Variants in MTF2 observed in about 807,000 individuals in gnomAD.
MTF2 encodes the protein metal-response element-binding transcription factor 2.
A neutral mutation model predicts 79.5 loss-of-function variants in MTF2; 11 were observed. The observed-to-expected ratio is 0.14, with a 90% CI of 0.09 to 0.23. MTF2 has a LOEUF of 0.23. MTF2 is among the 10% of genes least tolerant of loss of function. The pLI, the probability that MTF2 is intolerant of heterozygous loss-of-function variation, is 1.00. For missense variants in MTF2, 486 were observed against 711.2 expected (o/e 0.68, Z 3.60); for synonymous variants, 208 against 232.8 (o/e 0.89, Z 0.97).
chr1:93,088,550 T>A (rs1349815131), intron 1 of MTF2, among the ~76,000 whole-genome samples: 2 of 152,188 alleles, frequency 1.3e-5, no homozygotes, highest in Non-Finnish European at 2.9e-5. Context: ...ACTTGATATA[T>A]TATATTTAAC....
chr1:93,128,078 TG>T (rs1319775208), intron 10 of MTF2, among the ~76,000 whole-genome samples: 1 of 152,108 alleles, frequency 6.6e-6, no homozygotes, highest in African/African-American at 2.4e-5. Context: ...GTACCTGATA[TG>T]ACCTTGAAGT....
At chr1:93,127,209 A>C (rs1226871478) in intron 9 of MTF2, 23 bp from the exon 10 acceptor site, 1 of 1,574,934 alleles carries the variant, frequency 6.3e-7, no homozygotes, top group Non-Finnish European at 8.7e-7. Flanking sequence ...TAGTGCGTTA[A>C]ATTGTTTCTT....
intron 1 of MTF2, among the ~76,000 whole-genome samples, chr1:93,096,996 G>C (rs910819160): frequency 6.6e-6 from 1 of 151,610 alleles, no homozygotes; most frequent in Non-Finnish European, 1.5e-5. Context: ...TTTTTGTAGA[G>C]ATGCGGTTTT....
intron 3 of MTF2, among the ~76,000 whole-genome samples, chr1:93,111,723 C>T (rs1272078608): frequency 6.6e-6 from 1 of 151,968 alleles, no homozygotes; most frequent in Non-Finnish European, 1.5e-5. Context: ...AATTGAGGAG[C>T]CAGAGAAAAG....
Position 93,110,342 on chromosome 1 carries a change from A to C in MTF2, c.118A>C (p.Lys40Gln), listed in dbSNP as rs1199845356. The change falls in exon 2 of 15, where the codon AAA becomes CAA. Residue 40 changes from lysine to glutamine, a missense_variant. Lys to Gln is a moderately conservative substitution (Grantham distance 53). Around this residue, in one of 4 missense-constraint regions of MTF2, gnomAD observed 75 missense variants for 83.8 expected, o/e 0.89. Coordinates refer to ENST00000370298, the MANE Select transcript of MTF2 (RefSeq NM_007358.4). ...KLSLQDGHKA[K>Q]KPACKFEEGQ... ...GTCTTTACAGGATGGACATAAAGCC[A>C]AAAAGCCAGCATGTAAATTTGAAGA... 3 of 1,614,084 alleles carry C rather than the reference A, an allele frequency of 1.9e-6. No homozygotes were observed. Among genetic ancestry groups the C allele is most frequent in the Non-Finnish European group, 2.5e-6 (3 of 1,180,036 alleles).
At chr1:93,098,977 T>C (rs955081490) in intron 1 of MTF2, among the ~76,000 whole-genome samples, 1 of 152,138 alleles carries the variant, frequency 6.6e-6, no homozygotes, top group Admixed American at 6.6e-5. Context: ...CATTTACAGA[T>C]GGTGAGAGGG....
chr1:93,110,045 G>A (rs1353084445), intron 1 of MTF2, among the ~76,000 whole-genome samples, 185 bp from the exon 2 acceptor site: 1 of 152,156 alleles, frequency 6.6e-6, no homozygotes, highest in Admixed American at 6.6e-5. Flanking sequence ...TGGATATTGA[G>A]AATTGTTATC....
At position 93,119,415 on chromosome 1, in the gene MTF2, T is replaced by C; in HGVS notation, c.797+14T>C. ...ACCATTACAGTGGTAAGTGTGGACC[T>C]TTCTGTTAAAAGAAAGAAAAGCCAT... On this transcript the variant is annotated intron_variant, in intron 8 of 14. Transcript: ENST00000370298. 6.4e-7 allele frequency: 1 copy of C among 1,558,818 alleles called. No individual in the cohort carries two copies. The highest frequency in any genetic ancestry group is 8.7e-7 in the Non-Finnish European group (1 of 1,154,648).
chr1:93,122,233 A>G (rs1407357244), intron 9 of MTF2, among the ~76,000 whole-genome samples: 1 of 152,164 alleles, frequency 6.6e-6, no homozygotes, highest in Non-Finnish European at 1.5e-5. Flanking sequence ...AATTCTTTCT[A>G]GCCATTATTC....
At chr1:93,079,598 AG>A in intron 1 of MTF2, 67 bp downstream of exon 1, 9 of 1,592,244 alleles carry the variant, frequency 5.7e-6, no homozygotes, top group South Asian at 1.1e-5. Context: ...GGAGGAAGAA[AG>A]GAAGCAAGTA....
Position 93,110,302 on chromosome 1 carries a change from A to G in MTF2, c.78A>G (p.Thr26=). The part of the protein sequence containing the change: ...SPLRRNQKTP[T]SLTKLSLQDG... ...TACGTCGAAACCAAAAGACCCCAAC[A>G]TCCTTGACCAAGCTGTCTTTACAGG... The change falls in exon 2 of 15, where the codon ACA becomes ACG. Residue 26 remains threonine, a synonymous_variant. Coordinates refer to ENST00000370298, the MANE Select transcript of MTF2 (RefSeq NM_007358.4). 1 of 1,614,168 alleles carries G rather than the reference A, an allele frequency of 6.2e-7. No homozygotes were observed. Among genetic ancestry groups the G allele is most frequent in the Non-Finnish European group, 8.5e-7 (1 of 1,180,026 alleles).
At chr1:93,097,914 A>G (rs1474102017) in intron 1 of MTF2, among the ~76,000 whole-genome samples, 1 of 151,928 alleles carries the variant, frequency 6.6e-6, no homozygotes, top group Admixed American at 6.6e-5. Flanking sequence ...TTATTAATAG[A>G]TTATTGCAGA....
At chr1:93,086,278 C>T (rs964659074) in intron 1 of MTF2, among the ~76,000 whole-genome samples, 29 of 151,908 alleles carry the variant, frequency 1.9e-4, no homozygotes, top group East Asian at 3.9e-4. Flanking sequence ...CTGAGGCGGG[C>T]GGATCGCTTG....
At chr1:93,102,620 G>T (rs1241977807) in intron 1 of MTF2, among the ~76,000 whole-genome samples, 1 of 151,908 alleles carries the variant, frequency 6.6e-6, no homozygotes, top group African/African-American at 2.4e-5. Context: ...AAACCTATGA[G>T]AAACATGCTT....
At chr1:93,108,164 A>G (rs147827487) in intron 1 of MTF2, among the ~76,000 whole-genome samples, 36 of 152,282 alleles carry the variant, frequency 2.4e-4, no homozygotes, top group African/African-American at 8.2e-4. Flanking sequence ...ATTTCTATAT[A>G]TTATGGGTCT....
rs1654496823 is a variant in MTF2 at position 93,079,361 on chromosome 1, A to G, written c.-166A>G. 1 of 778,696 alleles carries G rather than the reference A, an allele frequency of 1.3e-6. No individual in the cohort carries two copies. Among genetic ancestry groups the G allele is most frequent in the South Asian group, 1.6e-5 (1 of 64,284 alleles). The allele number at this position is 778,696 out of a possible 1,614,324, so 48.2% of individuals were successfully genotyped here. On this transcript the variant is annotated 5_prime_UTR_variant, in exon 1 of 15. Transcript: ENST00000370298. The stretch of plus-strand genomic sequence containing the variant: ...AGGCCGGTGTAAGAACGCTCATTCT[A>G]CCCCCAACCCTTGTCTCCAAGGACC...
chr1:93,136,910 T>G lies in MTF2; in HGVS notation c.1665T>G (p.Tyr555Ter). 6.2e-7 allele frequency: 1 copy of G among 1,614,168 alleles called. No homozygotes were observed. Among genetic ancestry groups the G allele is most frequent in the Non-Finnish European group, 8.5e-7 (1 of 1,180,006 alleles). Reference sequence around the variant, plus strand: ...ATCTAAAGAACTCCATTACCAGTTATTTTGGTGCTGCAGGTAGAATAGCAT... The same window carrying G: ...ATCTAAAGAACTCCATTACCAGTTAGTTTGGTGCTGCAGGTAGAATAGCAT... ...LNHLKNSITS[Y>*]FGAAGRIACG... The change falls in exon 15 of 15, where the codon TAT becomes TAG. Residue 555 changes from tyrosine (Y) to a stop codon, truncating the protein, a stop_gained. Coordinates refer to ENST00000370298, the MANE Select transcript of MTF2 (RefSeq NM_007358.4). LOFTEE classifies it high-confidence loss of function.
intron 1 of MTF2, among the ~76,000 whole-genome samples, chr1:93,087,878 T>TA (rs541444201): frequency 1.9e-3 from 293 of 152,342 alleles, no homozygotes; most frequent in African/African-American, 6.9e-3. Context: ...TTTCACTTGT[T>TA]AAACAGTAGT....
Position 93,136,691 on chromosome 1 carries a change from A to T in MTF2, c.1446A>T (p.Arg482Ser), listed in dbSNP as rs1348459071. The stretch of plus-strand genomic sequence containing the variant: ...ATAGATTATCTGACTCCAGAAAAAG[A>T]ACGCGTACAGGAAGATCTTGGCCTG... ...RHYGLSDSRK[R>S]TRTGRSWPAA... Residue 482 changes from arginine to serine, a missense_variant, in exon 15 of 15, where the codon AGA becomes AGT. Physicochemically the swap from Arg to Ser is moderately radical, Grantham distance 110. Coordinates refer to ENST00000370298, the MANE Select transcript of MTF2 (RefSeq NM_007358.4). 5 of 1,613,064 alleles carry T rather than the reference A, an allele frequency of 3.1e-6. No homozygotes were observed. In the Admixed American group the frequency reaches 5.0e-5, roughly 16 times the overall value.
Sources: gnomAD v4.1 joint callset for allele counts (sites outside exome capture counted in the v4.1 genomes callset) on GRCh38, gnomAD v4.1.1 for gene constraint, gnomAD v4.1.1 regional missense constraint, MANE v1.5 for transcripts, NCBI Gene and HGNC (gene_info 2026-07-23, HGNC 2026-07-21) for gene names.